The following RORB variants were observed in gnomAD, a reference collection of about 807,000 sequenced individuals.
RORB encodes the protein RAR related orphan receptor B.
A neutral mutation model predicts 59.1 loss-of-function variants in RORB; 6 were observed. The observed-to-expected ratio is 0.10, with a 90% confidence interval of 0.06 to 0.20. The LOEUF (loss-of-function observed/expected upper bound fraction) is 0.20. Among genes scored for constraint, RORB ranks in the 10% least tolerant of loss-of-function variants. The pLI, the probability that RORB is intolerant of heterozygous loss-of-function variation, is 1.00. For synonymous variants in RORB, 215 were observed against 204.5 expected (o/e 1.05, Z -0.44); for missense variants, 320 against 560.5 (o/e 0.57, Z 4.33).
chr9:74,677,488 T>G (rs762324336), intron 9 of RORB, among the ~76,000 whole-genome samples: 1 of 152,248 alleles, frequency 6.6e-6, no homozygotes, highest in African/African-American at 2.4e-5. Flanking sequence ...TAAAATTAAT[T>G]GCACCTGTTC....
chr9:74,549,483 A>AGG (rs1481560835), intron 1 of RORB, among the ~76,000 whole-genome samples: 1 of 125,740 alleles, frequency 8.0e-6, no homozygotes, highest in African/African-American at 2.9e-5. Flanking sequence ...AGAGGTAGGG[A>AGG]GGGAGAGAGA....
chr9:74,612,742 C>G (rs921819908), intron 1 of RORB, among the ~76,000 whole-genome samples: 4 of 152,148 alleles, frequency 2.6e-5, no homozygotes, highest in Non-Finnish European at 5.9e-5. Flanking sequence ...TTCATTTACT[C>G]AGGTTAATAT....
At chr9:74,653,851 C>T (rs1275328914) in intron 4 of RORB, among the ~76,000 whole-genome samples, 1 of 152,122 alleles carries the variant, frequency 6.6e-6, no homozygotes, top group Non-Finnish European at 1.5e-5. Context: ...GAAAAAAAAC[C>T]CGCTGAGTGG....
chr9:74,624,301 T>C (rs1823471678), intron 1 of RORB, among the ~76,000 whole-genome samples: 1 of 152,176 alleles, frequency 6.6e-6, no homozygotes, highest in Admixed American at 6.5e-5. Flanking sequence ...CCCCAGATGC[T>C]GATAGACGTG....
At chr9:74,628,060 C>T (rs1202378199) in intron 1 of RORB, among the ~76,000 whole-genome samples, 1 of 152,086 alleles carries the variant, frequency 6.6e-6, no homozygotes, top group Non-Finnish European at 1.5e-5. Flanking sequence ...GTCAGTTAAG[C>T]TTTATAAACT....
intron 6 of RORB, 132 bp from the exon 7 acceptor site, chr9:74,665,356 G>A (rs1824248275): frequency 6.6e-6 from 3 of 453,550 alleles, no homozygotes; most frequent in East Asian, 6.5e-5. Flanking sequence ...GTGCCTGTGT[G>A]TGTGTGTATG....
intron 1 of RORB, among the ~76,000 whole-genome samples, chr9:74,568,443 T>C (rs1822499764): frequency 6.6e-6 from 1 of 152,004 alleles, no homozygotes; most frequent in Non-Finnish European, 1.5e-5. Context: ...GGCTCACGCC[T>C]GTAATCCCAG....
chr9:74,530,937 A>AT (rs916043737), intron 1 of RORB, among the ~76,000 whole-genome samples: 1 of 151,126 alleles, frequency 6.6e-6, no homozygotes, highest in Non-Finnish European at 1.5e-5. Flanking sequence ...AGTGTTCTTA[A>AT]TTTTTTTTCC....
At chr9:74,511,326 T>C (rs757131372) in intron 1 of RORB, among the ~76,000 whole-genome samples, 2 of 152,196 alleles carry the variant, frequency 1.3e-5, no homozygotes, top group Admixed American at 6.5e-5. Flanking sequence ...AAATTGTATG[T>C]ACTATATGAT....
chr9:74,591,861 A>G (rs1587374049), intron 1 of RORB, among the ~76,000 whole-genome samples: 1 of 152,150 alleles, frequency 6.6e-6, no homozygotes, highest in Non-Finnish European at 1.5e-5. Flanking sequence ...CATTATTTCT[A>G]AAGTTTAGAA....
At chr9:74,684,049 A>G (rs1824593833) in intron 9 of RORB, among the ~76,000 whole-genome samples, 1 of 152,234 alleles carries the variant, frequency 6.6e-6, no homozygotes, top group Non-Finnish European at 1.5e-5. Flanking sequence ...CTGTCTTTAA[A>G]TAGCAGTGGA....
intron 1 of RORB, among the ~76,000 whole-genome samples, chr9:74,529,913 T>G (rs909810312): frequency 4.6e-5 from 7 of 151,960 alleles, no homozygotes; most frequent in African/African-American, 1.7e-4. Flanking sequence ...CCTATTAAAA[T>G]AAATACATTG....
intron 4 of RORB, among the ~76,000 whole-genome samples, chr9:74,651,844 T>A (rs1349077867): frequency 6.6e-6 from 1 of 152,208 alleles, no homozygotes; most frequent in Non-Finnish European, 1.5e-5. Flanking sequence ...AAAACTTCAC[T>A]TTTAAATGTA....
At chr9:74,615,917 T>G (rs1823305661) in intron 1 of RORB, among the ~76,000 whole-genome samples, 1 of 152,168 alleles carries the variant, frequency 6.6e-6, no homozygotes, top group Non-Finnish European at 1.5e-5. Flanking sequence ...ATCCACCACA[T>G]TATACTAACA....
rs531764186 is a variant in RORB at position 74,499,357 on chromosome 9, G to A, written c.7+1374G>A. 6.6e-5 allele frequency among the ~76,000 whole-genome samples: 10 copies of A among 152,222 alleles called. No homozygotes were observed. In the East Asian group the frequency reaches 1.6e-3, roughly 24 times the overall value. On this transcript the variant is annotated intron_variant, in intron 1 of 9. Transcript: ENST00000376896. ...CTAGAGGAGCACCCCAGGAGGCAGCGGGTCTCACTCCCACTCCCTCCCGCA... is the reference window on the plus strand; with the variant it reads ...CTAGAGGAGCACCCCAGGAGGCAGCAGGTCTCACTCCCACTCCCTCCCGCA...
At chr9:74,557,102 C>G (rs993550548) in intron 1 of RORB, among the ~76,000 whole-genome samples, 1 of 152,042 alleles carries the variant, frequency 6.6e-6, no homozygotes, top group South Asian at 2.1e-4. Context: ...TCATAAGACA[C>G]GGGTGAAGTT....
chr9:74,567,711 C>T (rs1260721696), intron 1 of RORB, among the ~76,000 whole-genome samples: 4 of 152,108 alleles, frequency 2.6e-5, no homozygotes, highest in Non-Finnish European at 5.9e-5. Context: ...TGTTCCCACT[C>T]GTAAGGAAAA....
chr9:74,591,816 G>T (rs1295010998), intron 1 of RORB, among the ~76,000 whole-genome samples: 1 of 152,072 alleles, frequency 6.6e-6, no homozygotes, highest in Non-Finnish European at 1.5e-5. Context: ...AAGTAGAAGA[G>T]ACCCTGGCTT....
At chr9:74,620,312 G>A (rs111697509) in intron 1 of RORB, among the ~76,000 whole-genome samples, 22,185 of 152,094 alleles carry the variant, frequency 0.15, 1,681 homozygotes, top group Admixed American at 0.2. Context: ...TCTTCTAGAT[G>A]TTCTAGTTTA....
Sources: allele counts gnomAD v4.1 joint callset (sites outside exome capture counted in the v4.1 genomes callset), GRCh38; gene constraint gnomAD v4.1.1; transcripts MANE v1.5; gene names NCBI Gene and HGNC (gene_info 2026-07-23, HGNC 2026-07-21).